PKNOX2: variants seen among roughly 807,000 people sequenced by gnomAD.
PKNOX2 encodes the protein homeobox protein PKNOX2.
PKNOX2 carries 14 observed loss-of-function variants against 53.1 expected under a neutral mutation model. The ratio of observed to expected loss-of-function variants is 0.26; its 90% CI spans 0.17 to 0.41. The LOEUF is 0.41. PKNOX2 is among the 10% of genes least tolerant of loss of function. PKNOX2 has a pLI of 1.00. For synonymous variants in PKNOX2, 257 were observed against 242.8 expected, an observed-to-expected ratio of 1.06 and a Z score of -0.54; for missense variants, 496 against 602.8, an observed-to-expected ratio of 0.82 and a Z score of 1.85.
chr11:125,183,198 C>CTTT lies in PKNOX2; in HGVS notation c.-201+18449_-201+18451dup, dbSNP rs10676031. ...TGGTGGCTGTAGCATGCGATGAATC[C>CTTT]TTTTTTTTTTTTTTTTTTTTTTTTT... is the stretch of plus-strand genomic sequence containing the variant. On this transcript the variant is annotated intron_variant, in intron 1 of 12. Transcript: ENST00000298282. Among the ~76,000 whole-genome samples the CTTT allele has an allele frequency of 2.3e-4, 20 of 85,834 alleles. 1 individual carries two copies. The highest frequency in any genetic ancestry group is 7.2e-4 in the African/African-American group (12 of 16,740). 56.3% of individuals were successfully genotyped at this position (85,834 alleles called of 152,430 possible).
chr11:125,415,033 G>A (rs1955796152), intron 10 of PKNOX2, among the ~76,000 whole-genome samples: 1 of 152,046 alleles, frequency 6.6e-6, no homozygotes, highest in Non-Finnish European at 1.5e-5. Flanking sequence ...TCATTCTTTG[G>A]GTAGATGTGT....
Position 125,165,986 on chromosome 11 carries a change from C to A in PKNOX2, c.-201+1210C>A, listed in dbSNP as rs1002343201. Among the ~76,000 whole-genome samples the A allele has an allele frequency of 6.6e-6, 1 of 151,918 alleles. No individual in the cohort carries two copies. The highest frequency in any genetic ancestry group is 1.5e-5 in the Non-Finnish European group (1 of 68,002). On this transcript the variant is annotated intron_variant, in intron 1 of 12. Coordinates refer to ENST00000298282, the MANE Select transcript of PKNOX2 (RefSeq NM_001382323.2). The surrounding 1 kb of genome is among the most constrained non-coding windows in gnomAD (Gnocchi z 4.5). ...TTCACGGGGGAGCCGGGGGTTTCCG[C>A]GCGGTGGGGAGACTCGGGTTGGGAA...
chr11:125,198,325 T>C (rs569365465), intron 1 of PKNOX2, among the ~76,000 whole-genome samples: 2 of 152,238 alleles, frequency 1.3e-5, no homozygotes, highest in East Asian at 3.9e-4. Context: ...GCTTTTTGGA[T>C]AGAAAGGCCA....
chr11:125,430,214 G>A, intron 12 of PKNOX2, 73 bp downstream of exon 12: 1 of 1,528,402 alleles, frequency 6.5e-7, no homozygotes, highest in Non-Finnish European at 8.8e-7. Flanking sequence ...GTCAAGCCGT[G>A]CAAAGATTCA....
intron 5 of PKNOX2, among the ~76,000 whole-genome samples, chr11:125,381,577 G>T (rs759229575): frequency 1.3e-5 from 2 of 152,102 alleles, no homozygotes; most frequent in Non-Finnish European, 1.5e-5. Flanking sequence ...AAGTGAAGGA[G>T]GTTTAGAAGA....
intron 2 of PKNOX2, among the ~76,000 whole-genome samples, chr11:125,303,409 T>C (rs2135967979): frequency 6.6e-6 from 1 of 152,002 alleles, no homozygotes; most frequent in Middle Eastern, 3.4e-3. Flanking sequence ...AAGCTTCTGG[T>C]CACAGCCCCA....
At chr11:125,413,578 G>A (rs1254846814) in intron 10 of PKNOX2, among the ~76,000 whole-genome samples, 1 of 152,216 alleles carries the variant, frequency 6.6e-6, no homozygotes, top group Non-Finnish European at 1.5e-5. Flanking sequence ...GACATACGAT[G>A]CAGGGTCACA....
intron 1 of PKNOX2, among the ~76,000 whole-genome samples, chr11:125,206,165 G>A (rs1565469047): frequency 6.6e-6 from 1 of 152,044 alleles, no homozygotes; most frequent in Admixed American, 6.6e-5. Context: ...CCCCACCCTC[G>A]AGGAGCCTAC....
rs1310726560 is a variant in PKNOX2, at chr11:125,183,433, G to T, written c.-201+18657G>T. On this transcript the variant is annotated intron_variant, in intron 1 of 12. Transcript: ENST00000298282. ...GGGTTTCACCTTGTTAGCCAGGATG[G>T]TCTCGATCTCCTGACCTCATGATCC... 5.5e-5 allele frequency among the ~76,000 whole-genome samples: 3 copies of T among 54,462 alleles called. 1 individual carries two copies. Among genetic ancestry groups the T allele is most frequent in the Non-Finnish European group, 1.4e-4 (3 of 21,786 alleles). The allele number at this position is 54,462 out of a possible 152,430, so 35.7% of individuals were successfully genotyped here.
At chr11:125,208,326 A>G (rs1367288415) in intron 1 of PKNOX2, among the ~76,000 whole-genome samples, 2 of 152,100 alleles carry the variant, frequency 1.3e-5, no homozygotes, top group Admixed American at 6.5e-5. Flanking sequence ...TTGAACCTGG[A>G]AAGTTAGATT....
intron 6 of PKNOX2, among the ~76,000 whole-genome samples, chr11:125,387,915 G>A (rs764496133): frequency 5.3e-5 from 8 of 151,978 alleles, no homozygotes; most frequent in African/African-American, 1.2e-4. Flanking sequence ...TTTGAAGCTC[G>A]GTTTCCTCAT....
At chr11:125,380,950 C>T (rs530103250) in intron 5 of PKNOX2, among the ~76,000 whole-genome samples, 1 of 152,260 alleles carries the variant, frequency 6.6e-6, no homozygotes, top group South Asian at 2.1e-4. Context: ...ACAGGCTGGG[C>T]ACCTGGGGAA....
At chr11:125,189,439 GTGTGTGTGTATATATA>G (rs1189865629) in intron 1 of PKNOX2, among the ~76,000 whole-genome samples, 10 of 56,774 alleles carry the variant, frequency 1.8e-4, no homozygotes, top group African/African-American at 3.9e-4. Flanking sequence ...GTGTGTGTGT[GTGTGTGTGTATATATA>G]TATATATATA....
At chr11:125,260,504 T>C (rs1294017456) in intron 2 of PKNOX2, among the ~76,000 whole-genome samples, 1 of 152,096 alleles carries the variant, frequency 6.6e-6, no homozygotes, top group Non-Finnish European at 1.5e-5. Flanking sequence ...GCCTGTTTTA[T>C]GGTTTTTTTT....
chr11:125,196,118 C>T (rs537089061), intron 1 of PKNOX2, among the ~76,000 whole-genome samples: 30 of 152,140 alleles, frequency 2.0e-4, no homozygotes, highest in Non-Finnish European at 3.7e-4. Context: ...CTTAGAGGGG[C>T]GACTTTTGCA....
At chr11:125,407,714 A>G (rs1429365555) in intron 7 of PKNOX2, among the ~76,000 whole-genome samples, 14 of 152,046 alleles carry the variant, frequency 9.2e-5, no homozygotes, top group Non-Finnish European at 2.1e-4. Flanking sequence ...AGCCTGGGCA[A>G]CAGAGCAAGA....
intron 2 of PKNOX2, among the ~76,000 whole-genome samples, chr11:125,309,379 C>G (rs892978533): frequency 6.9e-6 from 1 of 144,990 alleles, no homozygotes; most frequent in Admixed American, 7.0e-5. Flanking sequence ...TTTACTCTAA[C>G]AGTACCAATT....
At chr11:125,260,248 G>A (rs1944739634) in intron 2 of PKNOX2, among the ~76,000 whole-genome samples, 1 of 152,086 alleles carries the variant, frequency 6.6e-6, no homozygotes, top group East Asian at 1.9e-4. Flanking sequence ...ACCCAGGCTG[G>A]AGTGTAGTGG....
intron 1 of PKNOX2, among the ~76,000 whole-genome samples, chr11:125,208,476 A>G (rs1357048609): frequency 6.6e-6 from 1 of 152,118 alleles, no homozygotes; most frequent in East Asian, 1.9e-4. Flanking sequence ...GCAGACACTA[A>G]TGTGTAAGGC....
Sources: gnomAD v4.1 joint callset for allele counts (sites outside exome capture counted in the v4.1 genomes callset) on GRCh38, gnomAD v4.1.1 for gene constraint, Gnocchi (gnomAD v3.1) non-coding constraint, MANE v1.5 for transcripts, NCBI Gene and HGNC (gene_info 2026-07-23, HGNC 2026-07-21) for gene names.